The following DPP10 variants were observed in gnomAD, a reference collection of about 807,000 sequenced individuals.
DPP10 encodes the protein inactive dipeptidyl peptidase 10.
In DPP10, 33 loss-of-function variants were observed where a neutral mutation model predicts 120.9. That is an observed-to-expected ratio of 0.27 (90% CI 0.21 to 0.37). The LOEUF (loss-of-function observed/expected upper bound fraction) is 0.37. Among genes scored for constraint, DPP10 ranks in the 10% least tolerant of loss-of-function variants. The probability of loss-of-function intolerance (pLI) is 1.00; values close to 1 mark genes in which losing one functional copy is unlikely to be tolerated. For missense variants in DPP10, 816 were observed against 942.8 expected, an observed-to-expected ratio of 0.87 and a Z score of 1.76; for synonymous variants, 337 against 326.1, an observed-to-expected ratio of 1.03 and a Z score of -0.36.
Position 114,806,327 on chromosome 2 carries a change from G to A in DPP10, c.60+363489G>A, listed in dbSNP as rs76803664. On this transcript the variant is annotated intron_variant, in intron 1 of 25. Transcript: ENST00000410059. Reference sequence around the variant, plus strand: ...TATTTTCCCCATTTGATATTATAAAGCTACATCTCAGAAAGTTTGAATGGC... The same window carrying A: ...TATTTTCCCCATTTGATATTATAAAACTACATCTCAGAAAGTTTGAATGGC... Among the ~76,000 whole-genome samples the A allele has an allele frequency of 1.1e-4, 16 of 152,164 alleles. No individual in the cohort carries two copies. In the East Asian group the frequency reaches 2.7e-3, roughly 26 times the overall value.
chr2:114,645,488 T>C (rs953904893), intron 1 of DPP10, among the ~76,000 whole-genome samples: 1 of 152,214 alleles, frequency 6.6e-6, no homozygotes, highest in African/African-American at 2.4e-5. Context: ...CTGCTTCTCT[T>C]ATGAGGTAAA....
At chr2:114,595,144 A>G (rs1691803726) in intron 1 of DPP10, among the ~76,000 whole-genome samples, 1 of 152,074 alleles carries the variant, frequency 6.6e-6, no homozygotes, top group African/African-American at 2.4e-5. Flanking sequence ...CACTCTACCT[A>G]AAGTCCCGTC....
intron 21 of DPP10, among the ~76,000 whole-genome samples, chr2:115,819,780 G>A (rs1041966754): frequency 5.3e-5 from 8 of 152,124 alleles, no homozygotes; most frequent in African/African-American, 1.7e-4. Flanking sequence ...GATCGCCTGA[G>A]GTTGGGAGTT....
chr2:115,376,234 A>C (rs2065783236), intron 3 of DPP10, among the ~76,000 whole-genome samples: 1 of 152,186 alleles, frequency 6.6e-6, no homozygotes, highest in African/African-American at 2.4e-5. Flanking sequence ...AAATTTTATG[A>C]GATCTAATGG....
At chr2:114,907,105 G>T (rs1694029826) in intron 1 of DPP10, among the ~76,000 whole-genome samples, 1 of 151,352 alleles carries the variant, frequency 6.6e-6, no homozygotes. Context: ...TCCTAATTTT[G>T]ACTTACAGTT....
intron 1 of DPP10, among the ~76,000 whole-genome samples, chr2:114,859,131 A>G (rs527350664): frequency 3.9e-5 from 6 of 152,120 alleles, no homozygotes; most frequent in African/African-American, 1.4e-4. Context: ...GTTCAAGACC[A>G]GCCTGGCCAA....
chr2:114,964,015 C>A (rs1226459807), intron 1 of DPP10, among the ~76,000 whole-genome samples: 1 of 152,118 alleles, frequency 6.6e-6, no homozygotes, highest in African/African-American at 2.4e-5. Flanking sequence ...AAGTAGGAGA[C>A]AGGACTAATA....
chr2:115,534,886 GT>G (rs1415242109), intron 5 of DPP10, among the ~76,000 whole-genome samples: 3 of 152,060 alleles, frequency 2.0e-5, no homozygotes, highest in African/African-American at 7.3e-5. Context: ...TTTTTCATGT[GT>G]TTTTTGACTG....
chr2:114,750,774 C>CA (rs11419787), intron 1 of DPP10, among the ~76,000 whole-genome samples: 151,499 of 152,320 alleles, frequency 0.99, 75,346 homozygotes, highest in Middle Eastern at 1. Flanking sequence ...TACATTATTC[C>CA]AAACAGAAGG....
At chr2:115,488,899 A>AAT (rs1239599436) in intron 3 of DPP10, among the ~76,000 whole-genome samples, 1 of 149,704 alleles carries the variant, frequency 6.7e-6, no homozygotes, top group Non-Finnish European at 1.5e-5. Flanking sequence ...AAAAAAAAAA[A>AAT]ATATGTATCT....
chr2:115,492,213 A>G (rs2076162728), intron 3 of DPP10, among the ~76,000 whole-genome samples: 1 of 152,182 alleles, frequency 6.6e-6, no homozygotes, highest in East Asian at 1.9e-4. Flanking sequence ...ATGGTGGCTC[A>G]CCAAAAATTC....
At chr2:115,499,464 A>G (rs557623590) in intron 3 of DPP10, 46 bp from the exon 4 acceptor site, 3 of 1,470,518 alleles carry the variant, frequency 2.0e-6, no homozygotes, top group East Asian at 2.3e-5. Flanking sequence ...TTACTATATT[A>G]TCTAGTCAAT....
rs369320986 is a variant in DPP10, at chr2:115,659,079, A to G, written c.442-30608A>G. Among the ~76,000 whole-genome samples, 16 of 152,224 alleles carry G rather than the reference A, an allele frequency of 1.1e-4. No individual in the cohort carries two copies. The South Asian group carries it at 3.3e-3, about 32-fold the overall frequency. ...TATTGAGTGGGTTAGTTATCATGAG[A>G]GCAGATTCCTGATAAAACGGTAAGT... is the stretch of plus-strand genomic sequence containing the variant. On this transcript the variant is annotated intron_variant, in intron 5 of 25. Coordinates refer to ENST00000410059, the MANE Select transcript of DPP10 (RefSeq NM_020868.6).
chr2:114,611,755 A>C (rs773356635), intron 1 of DPP10, among the ~76,000 whole-genome samples: 5 of 152,324 alleles, frequency 3.3e-5, no homozygotes. Context: ...AAATCACCCA[A>C]GATATTAATC....
At chr2:115,780,274 A>C (rs1682595432) in intron 15 of DPP10, among the ~76,000 whole-genome samples, 1 of 151,958 alleles carries the variant, frequency 6.6e-6, no homozygotes, top group Admixed American at 6.6e-5. Flanking sequence ...TCTTTTTACC[A>C]CCTCATTATG....
chr2:115,632,519 C>G (rs948424582), intron 5 of DPP10, among the ~76,000 whole-genome samples: 2 of 152,104 alleles, frequency 1.3e-5, no homozygotes, highest in East Asian at 3.9e-4. Flanking sequence ...TACAATAGCT[C>G]TTACAAGGCA....
intron 1 of DPP10, among the ~76,000 whole-genome samples, chr2:115,103,468 G>T (rs183032464): frequency 6.6e-6 from 1 of 152,106 alleles, no homozygotes; most frequent in Non-Finnish European, 1.5e-5. Context: ...GATTACAGGC[G>T]TGGGCAACCA....
chr2:115,674,924 A>G (rs75031125), intron 5 of DPP10, among the ~76,000 whole-genome samples: 1,646 of 152,308 alleles, frequency 0.011, 37 homozygotes, highest in African/African-American at 0.038. Context: ...ACAAATCTTT[A>G]TCATCACCTT....
chr2:115,265,790 A>T (rs1380596856), intron 1 of DPP10, among the ~76,000 whole-genome samples: 1 of 152,088 alleles, frequency 6.6e-6, no homozygotes, highest in African/African-American at 2.4e-5. Flanking sequence ...AAGTGTTTAG[A>T]AAAAGGGGCC....
Sources: gnomAD v4.1 joint callset for allele counts (sites outside exome capture counted in the v4.1 genomes callset) on GRCh38, gnomAD v4.1.1 for gene constraint, MANE v1.5 for transcripts, NCBI Gene and HGNC (gene_info 2026-07-23, HGNC 2026-07-21) for gene names.